Variants in SPIRE1 observed in about 807,000 individuals in gnomAD.
The protein encoded by SPIRE1 is protein spire homolog 1.
In SPIRE1, 40 loss-of-function variants were observed where a neutral mutation model predicts 94.1. That is an observed-to-expected ratio of 0.43 (90% CI 0.33 to 0.55). The LOEUF (loss-of-function observed/expected upper bound fraction) is 0.55. Among genes scored for constraint, SPIRE1 ranks in the 20% least tolerant of loss-of-function variants. SPIRE1 has a pLI of 0.06. For missense variants in SPIRE1, 838 were observed against 975.2 expected, an observed-to-expected ratio of 0.86 and a Z score of 1.87; for synonymous variants, 376 against 371.7, an observed-to-expected ratio of 1.01 and a Z score of -0.13.
intron 13 of SPIRE1, among the ~76,000 whole-genome samples, 174 bp downstream of exon 13, chr18:12,454,172 C>T (rs549186381): frequency 6.6e-6 from 1 of 152,230 alleles, no homozygotes; most frequent in Admixed American, 6.5e-5. Flanking sequence ...AACAAAAATG[C>T]CCCCTCTTGT....
At position 12,658,000 on chromosome 18, in the gene SPIRE1, G is replaced by T. The variant is rs560600230; in HGVS notation, c.-134C>A. The stretch of plus-strand genomic sequence containing the variant: ...GCCCAACGCGGCCGCGCGCGCCGCC[G>T]CCGGGACCAGGCGAGTGCCCGGGAG... On this transcript the variant is annotated 5_prime_UTR_variant, in exon 1 of 17. Coordinates refer to ENST00000409402, the MANE Select transcript of SPIRE1 (RefSeq NM_001128626.2). 1.0e-6 allele frequency: 1 copy of T among 994,274 alleles called. No individual in the cohort carries two copies. The highest frequency in any genetic ancestry group is 4.6e-5 in the South Asian group (1 of 21,714). The allele number at this position is 994,274 out of a possible 1,614,324, so 61.6% of individuals were successfully genotyped here.
At chr18:12,625,840 C>T (rs1455076810) in intron 2 of SPIRE1, among the ~76,000 whole-genome samples, 2 of 152,040 alleles carry the variant, frequency 1.3e-5, no homozygotes, top group Admixed American at 6.6e-5. Context: ...GTCAGGAGTT[C>T]GAGATCAGCC....
intron 2 of SPIRE1, among the ~76,000 whole-genome samples, chr18:12,613,891 CA>C (rs1248466020): frequency 4.0e-5 from 6 of 151,412 alleles, no homozygotes; most frequent in Admixed American, 3.9e-4. Context: ...ACTCTTGTCT[CA>C]AAAAAAACAA....
intron 2 of SPIRE1, among the ~76,000 whole-genome samples, chr18:12,587,143 A>G (rs2036410919): frequency 6.6e-6 from 1 of 152,356 alleles, no homozygotes; most frequent in South Asian, 2.1e-4. Context: ...TCACACAGCC[A>G]ATGAACAGGT....
intron 3 of SPIRE1, among the ~76,000 whole-genome samples, chr18:12,539,284 G>C (rs1228489740): frequency 6.6e-6 from 1 of 152,116 alleles, no homozygotes; most frequent in Non-Finnish European, 1.5e-5. Flanking sequence ...ATGACAGTGA[G>C]TAAGTCTCAT....
At chr18:12,589,629 A>G (rs528862523) in intron 2 of SPIRE1, among the ~76,000 whole-genome samples, 1 of 152,320 alleles carries the variant, frequency 6.6e-6, no homozygotes, top group African/African-American at 2.4e-5. Context: ...TCATTTCTAA[A>G]AAAATCTTCT....
Position 12,658,008 on chromosome 18 carries a change from C to A in SPIRE1, c.-142G>T. ...CGGCCGCGCGCGCCGCCGCCGGGACCAGGCGAGTGCCCGGGAGGCGTGGGC... is the reference window on the plus strand; with the variant it reads ...CGGCCGCGCGCGCCGCCGCCGGGACAAGGCGAGTGCCCGGGAGGCGTGGGC... On this transcript the variant is annotated 5_prime_UTR_variant, in exon 1 of 17. Coordinates refer to ENST00000409402, the MANE Select transcript of SPIRE1 (RefSeq NM_001128626.2). The A allele has an allele frequency of 1.0e-6, 1 of 994,156 alleles. No individual in the cohort carries two copies. The highest frequency in any genetic ancestry group is 4.6e-5 in the South Asian group (1 of 21,692). 61.6% of individuals were successfully genotyped at this position (994,156 alleles called of 1,614,324 possible). A position where few individuals can be genotyped will look rare whatever the true frequency, so the allele number is the denominator to read the frequency against.
intron 4 of SPIRE1, among the ~76,000 whole-genome samples, chr18:12,526,175 T>G (rs1024103753): frequency 3.3e-5 from 5 of 151,724 alleles, no homozygotes; most frequent in African/African-American, 1.2e-4. Flanking sequence ...CATCTTCCCA[T>G]CAGATGCTTG....
At chr18:12,516,083 A>G (rs16973076) in intron 4 of SPIRE1, 52,223 of 152,074 alleles carry the variant, frequency 0.34, 9,298 homozygotes, top group South Asian at 0.52. Context: ...GAATTTCAAA[A>G]GTAAAATCCA....
chr18:12,513,544 G>A (rs193036861), intron 4 of SPIRE1, among the ~76,000 whole-genome samples: 2 of 147,118 alleles, frequency 1.4e-5, no homozygotes, highest in East Asian at 4.0e-4. Flanking sequence ...TTTATTTGAG[G>A]TGGAGTTTTG....
chr18:12,656,617 G>C, intron 1 of SPIRE1: 1 of 617,956 alleles, frequency 1.6e-6, no homozygotes, highest in African/African-American at 2.0e-5. Context: ...AAAAGTGAGG[G>C]TAGATTGTTT....
At chr18:12,626,148 C>T (rs2037620596) in intron 2 of SPIRE1, among the ~76,000 whole-genome samples, 1 of 150,736 alleles carries the variant, frequency 6.6e-6, no homozygotes, top group Non-Finnish European at 1.5e-5. Flanking sequence ...CAAAAAAAGA[C>T]ATTTTAAAAT....
intron 1 of SPIRE1, among the ~76,000 whole-genome samples, chr18:12,649,417 AAAT>A (rs2038314855): frequency 6.6e-6 from 1 of 152,002 alleles, no homozygotes; most frequent in Non-Finnish European, 1.5e-5. Context: ...TCTTAAAAAA[AAAT>A]TTTTTTGACT....
At chr18:12,578,208 GAA>G (rs2036162578) in intron 2 of SPIRE1, among the ~76,000 whole-genome samples, 1 of 151,940 alleles carries the variant, frequency 6.6e-6, no homozygotes, top group Non-Finnish European at 1.5e-5. Context: ...ATTTACCCAA[GAA>G]AAATAAAAAG....
intron 10 of SPIRE1, among the ~76,000 whole-genome samples, chr18:12,471,376 GTTTC>G (rs1206716843): frequency 3.3e-4 from 50 of 149,710 alleles, no homozygotes; most frequent in South Asian, 2.3e-3. Flanking sequence ...AAAAATACTG[GTTTC>G]TTTCTTTTTT....
intron 3 of SPIRE1, among the ~76,000 whole-genome samples, chr18:12,544,166 T>TA (rs2035086162): frequency 6.6e-6 from 1 of 151,980 alleles, no homozygotes. Context: ...CTTCAATCTA[T>TA]AAAACCTTAA....
At chr18:12,603,084 G>A (rs2036882261) in intron 2 of SPIRE1, among the ~76,000 whole-genome samples, 1 of 152,118 alleles carries the variant, frequency 6.6e-6, no homozygotes, top group African/African-American at 2.4e-5. Context: ...CCTTAAACAG[G>A]TTCATAACAC....
At chr18:12,596,993 C>A (rs901978040) in intron 2 of SPIRE1, among the ~76,000 whole-genome samples, 2 of 152,056 alleles carry the variant, frequency 1.3e-5, no homozygotes, top group Admixed American at 1.3e-4. Flanking sequence ...AAGCCTGCTC[C>A]AGTCACCACT....
intron 14 of SPIRE1, 143 bp from the exon 15 acceptor site, chr18:12,452,655 C>T: frequency 1.2e-6 from 1 of 839,450 alleles, no homozygotes; most frequent in South Asian, 1.5e-5. Context: ...AACAAATTGA[C>T]ACACTGAATT....
Sources: gnomAD v4.1 joint callset for allele counts (sites outside exome capture counted in the v4.1 genomes callset) on GRCh38, gnomAD v4.1.1 for gene constraint, MANE v1.5 for transcripts, NCBI Gene and HGNC (gene_info 2026-07-23, HGNC 2026-07-21) for gene names.